The following CD99L2 variants were observed in gnomAD, a reference collection of about 807,000 sequenced individuals.
CD99L2 encodes CD99 molecule like 2, also known as CD99 antigen-like protein 2.
CD99L2 carries 24 observed loss-of-function variants against 27.3 expected under a neutral mutation model. The ratio of observed to expected loss-of-function variants is 0.88; its 90% CI spans 0.64 to 1.24. The LOEUF is 1.24. CD99L2 is among the 50% of genes most tolerant of loss of function. The pLI is 0.00. For synonymous variants in CD99L2, 97 were observed against 87.9 expected, an observed-to-expected ratio of 1.10 and a Z score of -0.58; for missense variants, 255 against 221.6, an observed-to-expected ratio of 1.15 and a Z score of -0.96.
At chrX:150,869,084 G>T (rs2047115564) in intron 1 of CD99L2, among the ~76,000 whole-genome samples, 1 of 112,007 alleles carries the variant, frequency 8.9e-6, no homozygotes, top group Non-Finnish European at 1.9e-5. Flanking sequence ...CCCGATGATG[G>T]TCCCTGTGAA....
At chrX:150,791,108 T>A (rs4422898) in intron 7 of CD99L2, among the ~76,000 whole-genome samples, 22,718 of 111,135 alleles carry the variant, frequency 0.2, 1,681 homozygotes, top group Middle Eastern at 0.29. Flanking sequence ...GGATACTGTA[T>A]CTATCCATGA....
intron 4 of CD99L2, among the ~76,000 whole-genome samples, 196 bp from the exon 5 acceptor site, chrX:150,795,682 T>C (rs113299569): frequency 0.094 from 10,436 of 111,420 alleles, 454 homozygotes; most frequent in African/African-American, 0.16. Flanking sequence ...CTGTTCACTT[T>C]TCTTCAGGGG....
At chrX:150,879,107 T>A (rs782458327) in intron 1 of CD99L2, among the ~76,000 whole-genome samples, 1 of 111,820 alleles carries the variant, frequency 8.9e-6, no homozygotes, top group Non-Finnish European at 1.9e-5. Context: ...GCTACTTCAA[T>A]AATCAACCTA....
At position 150,768,850 on chromosome X, in the gene CD99L2, G is replaced by T; in HGVS notation, c.*184C>A. The T allele has an allele frequency of 1.0e-6, 1 of 962,418 alleles. No individual in the cohort carries two copies. The highest frequency in any genetic ancestry group is 4.4e-5 in the South Asian group (1 of 22,976). 79.3% of individuals were successfully genotyped at this position (962,418 alleles called of 1,213,427 possible). ...TCTTGAATTTCGGCACCAAGTCTCAGCACGCTTGGGGCAGGGCAGAGAAAC... is the reference window on the plus strand; with the variant it reads ...TCTTGAATTTCGGCACCAAGTCTCATCACGCTTGGGGCAGGGCAGAGAAAC... On this transcript the variant is annotated 3_prime_UTR_variant, in exon 11 of 11. Transcript: ENST00000370377.
chrX:150,824,307 G>GAA (rs2046305042), intron 2 of CD99L2, among the ~76,000 whole-genome samples: 3 of 52,490 alleles, frequency 5.7e-5, no homozygotes, highest in African/African-American at 1.6e-4. Flanking sequence ...AAGAAGAAGA[G>GAA]GAGGAGGAGG....
chrX:150,854,064 C>T (rs1314968813), intron 1 of CD99L2, among the ~76,000 whole-genome samples: 1 of 110,976 alleles, frequency 9.0e-6, no homozygotes, highest in Non-Finnish European at 1.9e-5. Context: ...ATCAAAACAC[C>T]AGGTGTAATA....
At chrX:150,854,349 C>G (rs1037155155) in intron 1 of CD99L2, among the ~76,000 whole-genome samples, 3 of 111,933 alleles carry the variant, frequency 2.7e-5, no homozygotes, top group African/African-American at 9.8e-5. Flanking sequence ...CTACCCATAA[C>G]AAGATGCAAA....
chrX:150,819,285 C>T (rs1297397345), intron 2 of CD99L2: 5 of 291,623 alleles, frequency 1.7e-5, no homozygotes, highest in Admixed American at 7.5e-5. Context: ...CAGACTATTT[C>T]CTCTGTAGCT....
At chrX:150,790,514 C>T (rs73250576) in intron 7 of CD99L2, among the ~76,000 whole-genome samples, 2,974 of 111,270 alleles carry the variant, frequency 0.027, 40 homozygotes, top group Non-Finnish European at 0.044. Flanking sequence ...CTTTGAAAAA[C>T]AGTATTTTGA....
At chrX:150,835,148 A>T (rs782721579) in intron 1 of CD99L2, among the ~76,000 whole-genome samples, 1 of 112,004 alleles carries the variant, frequency 8.9e-6, no homozygotes, top group East Asian at 2.8e-4. Flanking sequence ...GTTAGACAGG[A>T]GGAATTAAGT....
At chrX:150,812,560 G>A (rs1437737544) in intron 4 of CD99L2, among the ~76,000 whole-genome samples, 1 of 112,288 alleles carries the variant, frequency 8.9e-6, no homozygotes, top group African/African-American at 3.2e-5. Context: ...CCAAATACTG[G>A]TGAAGATACA....
chrX:150,811,407 T>A (rs2046070119), intron 4 of CD99L2, among the ~76,000 whole-genome samples: 3 of 111,692 alleles, frequency 2.7e-5, no homozygotes, highest in African/African-American at 9.7e-5. Flanking sequence ...TAGATAGAAT[T>A]AATAATACAA....
intron 1 of CD99L2, among the ~76,000 whole-genome samples, chrX:150,842,372 G>A (rs2046635051): frequency 9.0e-6 from 1 of 111,545 alleles, no homozygotes; most frequent in Non-Finnish European, 1.9e-5. Flanking sequence ...AACAGGACTG[G>A]CATCTAAAGC....
At chrX:150,787,859 C>T (rs1351494095) in intron 7 of CD99L2, among the ~76,000 whole-genome samples, 12 of 95,419 alleles carry the variant, frequency 1.3e-4, no homozygotes, top group African/African-American at 4.2e-4. Flanking sequence ...CAAACCCGCA[C>T]GTTGTGTACA....
In CD99L2 at chrX:150,793,684, C is replaced by G. The variant is rs781855312; in HGVS notation, c.496+7G>C. ...AGGGTTGTGTTGGCACAAATCAATG[C>G]TCCTACCTTTACCCTTGTCAGGTTT... On this transcript the variant is annotated splice_region_variant and intron_variant, in intron 7 of 10. Coordinates refer to ENST00000370377, the MANE Select transcript of CD99L2 (RefSeq NM_031462.4). 1.7e-6 allele frequency: 2 copies of G among 1,184,472 alleles called. No individual in the cohort carries two copies. Among genetic ancestry groups the G allele is most frequent in the Non-Finnish European group, 2.3e-6 (2 of 881,499 alleles).
chrX:150,815,640 A>G (rs1557420458), intron 3 of CD99L2, among the ~76,000 whole-genome samples: 4 of 112,477 alleles, frequency 3.6e-5, no homozygotes, highest in Non-Finnish European at 1.9e-5. Context: ...GAAAGATGAC[A>G]CTGTAAAATA....
At chrX:150,802,451 C>T (rs1478332629) in intron 4 of CD99L2, among the ~76,000 whole-genome samples, 1 of 108,346 alleles carries the variant, frequency 9.2e-6, no homozygotes, top group East Asian at 2.9e-4. Context: ...GTAGTCCCAG[C>T]TACTTGGGAG....
chrX:150,892,388 C>T (rs782757672), intron 1 of CD99L2, among the ~76,000 whole-genome samples: 53 of 108,005 alleles, frequency 4.9e-4, no homozygotes, highest in African/African-American at 1.8e-3. Context: ...AGGCGGATCA[C>T]GAGGTCAGGA....
At chrX:150,888,326 G>A (rs372709384) in intron 1 of CD99L2, among the ~76,000 whole-genome samples, 75 of 112,051 alleles carry the variant, frequency 6.7e-4, no homozygotes, top group Non-Finnish European at 1.2e-3. Context: ...TGGTCTACCC[G>A]TACAATAGAA....
Sources: gnomAD v4.1 joint callset for allele counts (sites outside exome capture counted in the v4.1 genomes callset) on GRCh38, gnomAD v4.1.1 for gene constraint, MANE v1.5 for transcripts, NCBI Gene and HGNC (gene_info 2026-07-23, HGNC 2026-07-21) for gene names.